PKHD1: variants seen among roughly 807,000 people sequenced by gnomAD.
The protein encoded by PKHD1 is fibrocystin.
PKHD1 carries 291 observed loss-of-function variants against 412.0 expected under a neutral mutation model. The ratio of observed to expected loss-of-function variants is 0.71; its 90% confidence interval spans 0.64 to 0.78. The LOEUF (loss-of-function observed/expected upper bound fraction) is 0.78. Among genes scored for constraint, PKHD1 ranks in the 30% least tolerant of loss-of-function variants. The pLI, the probability that PKHD1 is intolerant of heterozygous loss-of-function variation, is 0.00. For missense variants in PKHD1, 4,825 were observed against 4,950.7 expected, an observed-to-expected ratio of 0.97 and a Z score of 0.76; for synonymous variants, 1,777 against 1,821.5, an observed-to-expected ratio of 0.98 and a Z score of 0.62.
chr6:51,897,866 A>G (rs1780404716), intron 43 of PKHD1, among the ~76,000 whole-genome samples: 1 of 151,216 alleles, frequency 6.6e-6, no homozygotes, highest in Non-Finnish European at 1.5e-5. Flanking sequence ...TTGCAATCCT[A>G]GTCTCTGATA....
At chr6:52,024,055 GA>G (rs1443926819) in intron 32 of PKHD1, among the ~76,000 whole-genome samples, 1 of 152,222 alleles carries the variant, frequency 6.6e-6, no homozygotes, top group Non-Finnish European at 1.5e-5. Context: ...TCACTGGAGG[GA>G]AAGGCTAGGC....
intron 65 of PKHD1, among the ~76,000 whole-genome samples, chr6:51,628,836 A>G (rs186638001): frequency 6.6e-6 from 1 of 152,320 alleles, no homozygotes; most frequent in Admixed American, 6.5e-5. Context: ...TACAGTAACC[A>G]AAACAGAATG....
intron 51 of PKHD1, 118 bp downstream of exon 51, chr6:51,836,286 A>T: frequency 1.3e-6 from 1 of 756,036 alleles, no homozygotes; most frequent in Non-Finnish European, 2.4e-6. Context: ...TATCAGACAT[A>T]TAAGCTTTAG....
intron 6 of PKHD1, among the ~76,000 whole-genome samples, chr6:52,074,879 C>G (rs1391586026): frequency 6.6e-6 from 1 of 152,198 alleles, no homozygotes; most frequent in Non-Finnish European, 1.5e-5. Flanking sequence ...TCCAACCCAG[C>G]CCGCCACCAA....
chr6:51,736,583 A>G (rs1200280625), intron 60 of PKHD1, among the ~76,000 whole-genome samples: 1 of 152,236 alleles, frequency 6.6e-6, no homozygotes, highest in Non-Finnish European at 1.5e-5. Context: ...ATGTTTAACC[A>G]TAAATATCTG....
intron 37 of PKHD1, 128 bp downstream of exon 37, chr6:51,933,982 A>G (rs1787058206): frequency 1.4e-6 from 1 of 727,176 alleles, no homozygotes; most frequent in Non-Finnish European, 2.5e-6. Context: ...TATTTAAGGA[A>G]ATAGTGCCAT....
chr6:52,010,245 T>C lies in PKHD1; in HGVS notation c.5751+64A>G. 6 of 1,435,566 alleles carry C rather than the reference T, an allele frequency of 4.2e-6. No individual in the cohort carries two copies. In the South Asian group the frequency reaches 6.9e-5, roughly 17 times the overall value. The allele number at this position is 1,435,566 out of a possible 1,614,324, so 88.9% of individuals were successfully genotyped here. ...TTTGGACTAAATTGTTTTTTTAATG[T>C]ACACAATATTACAAATTTAATTTGA... On this transcript the variant is annotated intron_variant, in intron 35 of 66. Transcript: ENST00000371117.
At chr6:51,841,307 C>A (rs759255511) in intron 50 of PKHD1, among the ~76,000 whole-genome samples, 1 of 152,194 alleles carries the variant, frequency 6.6e-6, no homozygotes, top group Non-Finnish European at 1.5e-5. Context: ...CTCAGCATTG[C>A]GGAGCATTAA....
chr6:51,941,203 AAGCCTGTT>A (rs990709349), intron 36 of PKHD1, among the ~76,000 whole-genome samples: 1 of 147,868 alleles, frequency 6.8e-6, no homozygotes, highest in Non-Finnish European at 1.5e-5. Flanking sequence ...AAAAGGATTA[AAGCCTGTT>A]ATCACTCACC....
At chr6:51,756,386 G>A (rs1470479295) in intron 55 of PKHD1, among the ~76,000 whole-genome samples, 1 of 152,106 alleles carries the variant, frequency 6.6e-6, no homozygotes, top group Non-Finnish European at 1.5e-5. Context: ...TACTGATAAA[G>A]TCCAGCATTT....
At chr6:51,729,331 C>A (rs1050081739) in intron 60 of PKHD1, among the ~76,000 whole-genome samples, 6 of 152,170 alleles carry the variant, frequency 3.9e-5, no homozygotes, top group Non-Finnish European at 7.3e-5. Context: ...CCTTGACACA[C>A]TTTACATAAT....
At chr6:51,941,872 G>T (rs796426644) in intron 36 of PKHD1, among the ~76,000 whole-genome samples, 1 of 151,282 alleles carries the variant, frequency 6.6e-6, no homozygotes, top group South Asian at 2.1e-4. Flanking sequence ...CTGTACTGCC[G>T]CAAGCCTTCA....
Position 51,903,912 on chromosome 6 carries a change from A to C in PKHD1, c.6865+74T>G, listed in dbSNP as rs535258134. The C allele has an allele frequency of 1.5e-3, 1,537 of 996,252 alleles. 1 individual carries two copies. Among genetic ancestry groups the C allele is most frequent in the Non-Finnish European group, 2.1e-3 (1,368 of 644,778 alleles). The allele number at this position is 996,252 out of a possible 1,614,324, so 61.7% of individuals were successfully genotyped here. A position where few individuals can be genotyped will look rare whatever the true frequency, so the allele number is the denominator to read the frequency against. On this transcript the variant is annotated intron_variant, in intron 42 of 66. Transcript: ENST00000371117. ...AACTTAAGAGACCTAACATTTTGCC[A>C]TCAGGCTTGTCTATAAAATATATGA... is the stretch of plus-strand genomic sequence containing the variant.
chr6:51,739,516 C>T (rs552995921), intron 60 of PKHD1, among the ~76,000 whole-genome samples: 3 of 152,302 alleles, frequency 2.0e-5, no homozygotes, highest in Admixed American at 1.3e-4. Context: ...TAGGCATGAG[C>T]CACAGATCCC....
chr6:51,631,015 C>A (rs1240244996), intron 65 of PKHD1, among the ~76,000 whole-genome samples: 1 of 152,088 alleles, frequency 6.6e-6, no homozygotes, highest in African/African-American at 2.4e-5. Context: ...GAAGTCACGT[C>A]TAGAGCTGGG....
At chr6:51,962,034 G>A (rs1423586403) in intron 35 of PKHD1, among the ~76,000 whole-genome samples, 1 of 152,092 alleles carries the variant, frequency 6.6e-6, no homozygotes, top group Admixed American at 6.6e-5. Flanking sequence ...CAGAGCAAGG[G>A]CTGGAGGAGA....
At chr6:51,639,479 G>A (rs1278345356) in intron 63 of PKHD1, among the ~76,000 whole-genome samples, 1 of 151,426 alleles carries the variant, frequency 6.6e-6, no homozygotes, top group Non-Finnish European at 1.5e-5. Flanking sequence ...CCAGAATTAG[G>A]CCAAGAGATC....
At chr6:51,960,244 T>A (rs1791806080) in intron 35 of PKHD1, among the ~76,000 whole-genome samples, 1 of 152,146 alleles carries the variant, frequency 6.6e-6, no homozygotes, top group Non-Finnish European at 1.5e-5. Flanking sequence ...CTCTTTTTCA[T>A]ACAACTAACC....
chr6:51,808,814 T>C (rs1764237030), intron 52 of PKHD1, among the ~76,000 whole-genome samples: 1 of 152,154 alleles, frequency 6.6e-6, no homozygotes, highest in Non-Finnish European at 1.5e-5. Flanking sequence ...GAGTTCAGTA[T>C]GATGTTTCAA....
Sources: gnomAD v4.1 joint callset for allele counts (sites outside exome capture counted in the v4.1 genomes callset) on GRCh38, gnomAD v4.1.1 for gene constraint, MANE v1.5 for transcripts, NCBI Gene and HGNC (gene_info 2026-07-23, HGNC 2026-07-21) for gene names.